PADI2: variants seen among roughly 807,000 people sequenced by gnomAD.
The protein encoded by PADI2 is protein-arginine deiminase type-2.
PADI2 carries 70 observed loss-of-function variants against 81.1 expected under a neutral mutation model. The observed-to-expected ratio is 0.86, with a 90% CI of 0.71 to 1.05. The LOEUF (loss-of-function observed/expected upper bound fraction) is 1.05, where lower values mean the gene tolerates loss of function less well. Ranked by LOEUF, PADI2 falls within the 50% of genes least tolerant of loss-of-function variation. The pLI is 0.00. For synonymous variants in PADI2, 338 were observed against 358.0 expected (o/e 0.94, Z 0.63); for missense variants, 853 against 889.9 (o/e 0.96, Z 0.53).
intron 13 of PADI2, 70 bp downstream of exon 13, chr1:17,074,786 C>T (rs1361941587): frequency 1.1e-6 from 1 of 930,742 alleles, no homozygotes; most frequent in African/African-American, 1.6e-5. Context: ...GCTTATCTGC[C>T]CCACCCTCCC....
rs948505485 is a variant in PADI2, at chr1:17,119,017, G to A, written c.92+263C>T. ...TGGAGAGGGCCAGACGGAGGGTTAC[G>A]GGTGAAAGGGAGGGTCTGTGAGGGA... is the stretch of plus-strand genomic sequence containing the variant. On this transcript the variant is annotated intron_variant, in intron 1 of 15. Transcript: ENST00000375486. The surrounding 1 kb of genome is among the most constrained non-coding windows in gnomAD (Gnocchi z 4.8). Among the ~76,000 whole-genome samples, 34 of 152,122 alleles carry A rather than the reference G, an allele frequency of 2.2e-4. No individual in the cohort carries two copies. Among genetic ancestry groups the A allele is most frequent in the African/African-American group, 8.2e-4 (34 of 41,426 alleles).
Position 17,119,191 on chromosome 1 carries a change from C to T in PADI2, c.92+89G>A. ...GGGATGAGGGACAACTCGGGCTGGA[C>T]AAAGGCTGTCCACGTCCCCGAGTCT... On this transcript the variant is annotated intron_variant, in intron 1 of 15. Transcript: ENST00000375486. This position sits in a 1 kb window ranked among gnomAD's most constrained non-coding sequence, Gnocchi z 4.8. The T allele has an allele frequency of 1.1e-6, 1 of 946,058 alleles. No individual in the cohort carries two copies. The highest frequency in any genetic ancestry group is 1.6e-6 in the Non-Finnish European group (1 of 635,680). The allele number at this position is 946,058 out of a possible 1,614,324, so 58.6% of individuals were successfully genotyped here. A position where few individuals can be genotyped will look rare whatever the true frequency, so the allele number is the denominator to read the frequency against.
rs1476636845 is a variant in PADI2, at chr1:17,102,995, G to A, written c.341C>T (p.Thr114Ile). The change falls in exon 3 of 16, where the codon ACA (threonine) becomes ATA (isoleucine). Residue 114 changes from threonine to isoleucine, a missense_variant. Transcript: ENST00000375486. ...CAACCATGCCAACTCACCAATGGCT[G>A]TGAGGAAGAGCCCCGCCTGGTCGAT... is the stretch of plus-strand genomic sequence containing the variant. Reference protein sequence around the residue: ...IPIDQAGLFLTAIEISLDVDA... With the variant: ...IPIDQAGLFLIAIEISLDVDA... 6.2e-7 allele frequency: 1 copy of A among 1,610,524 alleles called. No homozygotes were observed. The highest frequency in any genetic ancestry group is 1.1e-5 in the South Asian group (1 of 90,416).
chr1:17,071,393 G>GCC lies in PADI2; in HGVS notation c.1635+11_1635+12dup, dbSNP rs1369042389. The GCC allele has an allele frequency of 1.2e-6, 2 of 1,601,480 alleles. No homozygotes were observed. The highest frequency in any genetic ancestry group is 1.7e-6 in the Non-Finnish European group (2 of 1,168,828). Reference sequence around the variant, plus strand: ...AGGGGCCCTCTGGCCCTGCACCCCTGCCCTGCCCTCACCTGGAAGTACAGG... The same window carrying GCC: ...AGGGGCCCTCTGGCCCTGCACCCCTGCCCCCTGCCCTCACCTGGAAGTACAGG... On this transcript the variant is annotated intron_variant, in intron 14 of 15. Transcript: ENST00000375486.
chr1:17,082,923 T>C (rs1570984354), intron 9 of PADI2: 1 of 325,474 alleles, frequency 3.1e-6, no homozygotes, highest in Non-Finnish European at 5.6e-6. Context: ...CAGGCTGGAG[T>C]GCAGTGCCAT....
At chr1:17,090,801 T>C (rs1214644327) in intron 6 of PADI2, among the ~76,000 whole-genome samples, 1 of 151,918 alleles carries the variant, frequency 6.6e-6, no homozygotes, top group African/African-American at 2.4e-5. Context: ...TCAGGACCCA[T>C]CTCAGATGGC....
intron 1 of PADI2, among the ~76,000 whole-genome samples, chr1:17,108,174 C>T (rs1931453995): frequency 6.6e-6 from 1 of 151,720 alleles, no homozygotes; most frequent in South Asian, 2.1e-4. Flanking sequence ...GTCTTGAACT[C>T]CTGACCTCAG....
rs941839314 is a variant in PADI2, at chr1:17,070,229, A to G, written c.1636-13T>C. On this transcript the variant is annotated splice_polypyrimidine_tract_variant and intron_variant, in intron 14 of 15. Coordinates refer to ENST00000375486, the MANE Select transcript of PADI2 (RefSeq NM_007365.3). ...AGTCTAGGCAGCGCTGGGTAGGAGA[A>G]AGGATGGAGGGCATGCAGGTGAGGG... is the stretch of plus-strand genomic sequence containing the variant. 1.4e-5 allele frequency: 22 copies of G among 1,613,320 alleles called. No individual in the cohort carries two copies. Among genetic ancestry groups the G allele is most frequent in the Non-Finnish European group, 1.8e-5 (21 of 1,179,618 alleles).
rs1277232070 is a variant in PADI2 at position 17,069,036 on chromosome 1, CT to C, written c.*7del. ...GCGAAGGAGGCAAACGCCAGGGCCC[CT>C]GGCAGGTCAGGGCACCATGTGCCAC... On this transcript the variant is annotated 3_prime_UTR_variant, in exon 16 of 16. Coordinates refer to ENST00000375486, the MANE Select transcript of PADI2 (RefSeq NM_007365.3). 1.1e-5 allele frequency: 17 copies of C among 1,606,914 alleles called. No individual in the cohort carries two copies. Among genetic ancestry groups the C allele is most frequent in the Non-Finnish European group, 1.4e-5 (17 of 1,173,454 alleles).
chr1:17,115,229 C>A lies in PADI2; in HGVS notation c.92+4051G>T, dbSNP rs1931714312. ...TAGCTGACATTTATCTTCTTTCTGTCTTCTACTGGGACAATGGCTGGTCAG... is the reference window on the plus strand; with the variant it reads ...TAGCTGACATTTATCTTCTTTCTGTATTCTACTGGGACAATGGCTGGTCAG... On this transcript the variant is annotated intron_variant, in intron 1 of 15. Coordinates refer to ENST00000375486, the MANE Select transcript of PADI2 (RefSeq NM_007365.3). The surrounding 1 kb of genome is among the most constrained non-coding windows in gnomAD (Gnocchi z 4.1). 1.3e-5 allele frequency among the ~76,000 whole-genome samples: 2 copies of A among 152,204 alleles called. No individual in the cohort carries two copies. The highest frequency in any genetic ancestry group is 6.5e-5 in the Admixed American group (1 of 15,278).
rs1009350738 is a variant in PADI2 at position 17,115,395 on chromosome 1, C to T, written c.92+3885G>A. On this transcript the variant is annotated intron_variant, in intron 1 of 15. Transcript: ENST00000375486. The surrounding 1 kb of genome is among the most constrained non-coding windows in gnomAD (Gnocchi z 4.1). The stretch of plus-strand genomic sequence containing the variant: ...CTCCTGCAGACCTCAGGATCTGGAT[C>T]CTGGCTCCTGTACACCAGGGAGGAA... Among the ~76,000 whole-genome samples the T allele has an allele frequency of 2.6e-5, 4 of 152,214 alleles. No individual in the cohort carries two copies. The highest frequency in any genetic ancestry group is 9.6e-5 in the African/African-American group (4 of 41,454).
rs2647184 is a variant in PADI2, at chr1:17,092,388, A to G, written c.655+20T>C. On this transcript the variant is annotated intron_variant, in intron 6 of 15. Transcript: ENST00000375486. ...AGGTGGCTAGAAAGGTCTAGGCTGG[A>G]CTGGGCTGGGATCACTCACTCTCCA... The G allele has an allele frequency of 0.95, 1,508,713 of 1,584,628 alleles. 718,418 individuals are homozygous for G. The highest frequency in any genetic ancestry group is 0.99 in the East Asian group (42,891 of 43,360).
chr1:17,071,115 C>T lies in PADI2; in HGVS notation c.1635+291G>A, dbSNP rs1025983225. 3.3e-5 allele frequency among the ~76,000 whole-genome samples: 5 copies of T among 152,262 alleles called. No individual in the cohort carries two copies. In the South Asian group the frequency reaches 6.2e-4, roughly 19 times the overall value. ...CACTGTGTCTGGCCCCCATTATCCC[C>T]TTTTTAGAGATGAGAGACCCAAAGA... On this transcript the variant is annotated intron_variant, in intron 14 of 15. Transcript: ENST00000375486.
intron 2 of PADI2, 70 bp downstream of exon 2, chr1:17,104,808 G>A: frequency 7.4e-7 from 1 of 1,359,474 alleles, no homozygotes; most frequent in Non-Finnish European, 9.9e-7. Context: ...TATGGGACAG[G>A]GCTGGTCCAC....
At chr1:17,100,863 C>T (rs952350473) in intron 3 of PADI2, among the ~76,000 whole-genome samples, 4 of 149,372 alleles carry the variant, frequency 2.7e-5, no homozygotes, top group Non-Finnish European at 5.9e-5. Flanking sequence ...GGTTTCGCCA[C>T]ATTGGCCAGG....
Position 17,094,325 on chromosome 1 carries a change from G to A in PADI2, c.412-641C>T, listed in dbSNP as rs544468313. Reference sequence around the variant, plus strand: ...TCGCTCACTCTGCCCCACCCATCCCGGCGCCTTTCTGCTCCCAAAAGACTC... The same window carrying A: ...TCGCTCACTCTGCCCCACCCATCCCAGCGCCTTTCTGCTCCCAAAAGACTC... On this transcript the variant is annotated intron_variant, in intron 4 of 15. Coordinates refer to ENST00000375486, the MANE Select transcript of PADI2 (RefSeq NM_007365.3). Among the ~76,000 whole-genome samples the A allele has an allele frequency of 2.6e-5, 4 of 152,102 alleles. No individual in the cohort carries two copies. The East Asian group carries it at 5.8e-4, about 22-fold the overall frequency.
At position 17,105,877 on chromosome 1, in the gene PADI2, G is replaced by A. The variant is rs7511776; in HGVS notation, c.93-816C>T. 2.3e-3 allele frequency among the ~76,000 whole-genome samples: 356 copies of A among 152,232 alleles called. 3 individuals are homozygous for A. Among genetic ancestry groups the A allele is most frequent in the African/African-American group, 8.2e-3 (340 of 41,524 alleles). On this transcript the variant is annotated intron_variant, in intron 1 of 15. Transcript: ENST00000375486. ...TCCTGAGTGTGAATGTATGAGGGTC[G>A]GGCCTGGGGATCTGAATTCTTAACA...
chr1:17,102,755 G>GGGA (rs1035499575), intron 3 of PADI2, among the ~76,000 whole-genome samples: 1 of 151,346 alleles, frequency 6.6e-6, no homozygotes, highest in African/African-American at 2.4e-5. Flanking sequence ...GACACTTGGG[G>GGGA]GGGGGTTGCT....
At chr1:17,105,262 C>T (rs1053536635) in intron 1 of PADI2, among the ~76,000 whole-genome samples, 1 of 152,082 alleles carries the variant, frequency 6.6e-6, no homozygotes, top group Non-Finnish European at 1.5e-5. Context: ...TGCTGGTGCA[C>T]ACCTGTGGTC....
Sources: allele counts gnomAD v4.1 joint callset (sites outside exome capture counted in the v4.1 genomes callset), GRCh38; gene constraint gnomAD v4.1.1; non-coding constraint Gnocchi (gnomAD v3.1); transcripts MANE v1.5; gene names NCBI Gene and HGNC (gene_info 2026-07-23, HGNC 2026-07-21).